KCNH7: variants seen among roughly 807,000 people sequenced by gnomAD.
KCNH7 encodes potassium voltage-gated channel subfamily H member 7.
In KCNH7, 49 loss-of-function variants were observed where a neutral mutation model predicts 120.8. The observed-to-expected ratio is 0.41, with a 90% confidence interval of 0.32 to 0.51. The LOEUF (loss-of-function observed/expected upper bound fraction) is 0.51. Ranked by LOEUF, KCNH7 falls within the 20% of genes least tolerant of loss-of-function variation. The pLI is 0.38. For missense variants in KCNH7, 1,097 were observed against 1,446.6 expected (o/e 0.76, Z 3.92); for synonymous variants, 547 against 516.1 (o/e 1.06, Z -0.81).
intron 2 of KCNH7, among the ~76,000 whole-genome samples, chr2:162,799,763 G>A (rs780990790): frequency 3.3e-5 from 5 of 151,894 alleles, no homozygotes; most frequent in African/African-American, 4.8e-5. Flanking sequence ...GCTGTCATGC[G>A]AAAGGACATT....
chr2:162,513,383 TTCTCTCCTTCCC>T (rs768449834), intron 4 of KCNH7, among the ~76,000 whole-genome samples: 5 of 132,292 alleles, frequency 3.8e-5, no homozygotes, highest in East Asian at 2.5e-4. Context: ...CCTTCCTTCC[TTCTCTCCTTCCC>T]TCCTTCCTTC....
chr2:162,831,335 C>T (rs900115400), intron 2 of KCNH7, among the ~76,000 whole-genome samples: 6 of 152,152 alleles, frequency 3.9e-5, no homozygotes, highest in East Asian at 1.9e-4. Context: ...GAGGATGGAT[C>T]GGGGGAGAGA....
At chr2:162,513,967 G>T (rs1227007171) in intron 4 of KCNH7, among the ~76,000 whole-genome samples, 1 of 151,580 alleles carries the variant, frequency 6.6e-6, no homozygotes, top group Non-Finnish European at 1.5e-5. Context: ...TTGCATACTT[G>T]CCACTAACAA....
At chr2:162,711,503 C>G (rs2105358497) in intron 2 of KCNH7, among the ~76,000 whole-genome samples, 1 of 152,350 alleles carries the variant, frequency 6.6e-6, no homozygotes, top group South Asian at 2.1e-4. Flanking sequence ...AGTACCCCAC[C>G]TCCATCTTCA....
intron 2 of KCNH7, among the ~76,000 whole-genome samples, chr2:162,817,283 GC>G (rs1559147685): frequency 6.6e-6 from 1 of 152,074 alleles, no homozygotes; most frequent in Non-Finnish European, 1.5e-5. Context: ...GTTTAGTTTT[GC>G]CTAATCTTGA....
At chr2:162,766,302 G>A (rs369940381) in intron 2 of KCNH7, among the ~76,000 whole-genome samples, 1 of 152,046 alleles carries the variant, frequency 6.6e-6, no homozygotes, top group African/African-American at 2.4e-5. Flanking sequence ...GCGCCTTGAC[G>A]TGAAACAACA....
At chr2:162,548,732 A>C (rs1692564377) in intron 2 of KCNH7, among the ~76,000 whole-genome samples, 1 of 152,136 alleles carries the variant, frequency 6.6e-6, no homozygotes, top group Admixed American at 6.5e-5. Flanking sequence ...TTCATTTTGG[A>C]ATAAGTTACT....
At chr2:162,517,441 CAT>C (rs1258559464) in intron 4 of KCNH7, among the ~76,000 whole-genome samples, 6 of 151,884 alleles carry the variant, frequency 4.0e-5, no homozygotes, top group African/African-American at 7.2e-5. Flanking sequence ...TACCTAAGCA[CAT>C]GTTATAATAA....
intron 2 of KCNH7, among the ~76,000 whole-genome samples, chr2:162,798,656 T>C (rs1007835218): frequency 6.6e-6 from 1 of 152,078 alleles, no homozygotes; most frequent in Non-Finnish European, 1.5e-5. Context: ...TGTCACCTTC[T>C]AAAAAGAAGC....
intron 2 of KCNH7, among the ~76,000 whole-genome samples, chr2:162,664,904 A>C (rs1291042330): frequency 6.6e-6 from 1 of 152,144 alleles, no homozygotes; most frequent in Non-Finnish European, 1.5e-5. Context: ...AGGACATATC[A>C]CTATTATAGG....
At chr2:162,778,996 A>C (rs1683367150) in intron 2 of KCNH7, among the ~76,000 whole-genome samples, 1 of 148,378 alleles carries the variant, frequency 6.7e-6, no homozygotes, top group Admixed American at 6.7e-5. Context: ...TAGGTCATTC[A>C]AACGCAATTT....
At position 162,800,393 on chromosome 2, in the gene KCNH7, C is replaced by T. The variant is rs567192497; in HGVS notation, c.307+36144G>A. On this transcript the variant is annotated intron_variant, in intron 2 of 15. Transcript: ENST00000332142. ...AGGTCTTTTTACTGAAAGTCTTGTA[C>T]AACGGCAGTATTTTTACATTTTTAT... Among the ~76,000 whole-genome samples the T allele has an allele frequency of 6.6e-5, 10 of 151,734 alleles. No individual in the cohort carries two copies. In the East Asian group the frequency reaches 1.9e-3, roughly 29 times the overall value.
chr2:162,433,942 A>C (rs1006856825), intron 8 of KCNH7, among the ~76,000 whole-genome samples: 6 of 152,106 alleles, frequency 3.9e-5, no homozygotes, highest in Admixed American at 1.3e-4. Flanking sequence ...TGTTCATTGC[A>C]GCAGTATTCA....
At chr2:162,766,547 A>G (rs183550619) in intron 2 of KCNH7, among the ~76,000 whole-genome samples, 93 of 152,290 alleles carry the variant, frequency 6.1e-4, no homozygotes, top group African/African-American at 2.0e-3. Flanking sequence ...AAACAAAAAA[A>G]GCTTGATTAG....
In KCNH7 at chr2:162,401,219, T is replaced by G. The variant is rs143901509; in HGVS notation, c.2155-778A>C. On this transcript the variant is annotated intron_variant, in intron 9 of 15. Transcript: ENST00000332142. ...AGCTTGTGACAACTGCTACTCAATC[T>G]GAACTGAATAAAATTATTTGCTATT... Among the ~76,000 whole-genome samples the G allele has an allele frequency of 6.5e-4, 99 of 152,064 alleles. 2 individuals carry two copies. The East Asian group carries it at 0.017, about 27-fold the overall frequency.
intron 3 of KCNH7, among the ~76,000 whole-genome samples, chr2:162,526,634 C>T (rs1418248390): frequency 2.6e-5 from 4 of 151,948 alleles, no homozygotes; most frequent in African/African-American, 4.8e-5. Context: ...CCTGGCTCAC[C>T]GGCGGTCAGA....
intron 2 of KCNH7, among the ~76,000 whole-genome samples, chr2:162,685,688 G>A (rs1685865853): frequency 6.6e-6 from 1 of 151,806 alleles, no homozygotes; most frequent in South Asian, 2.1e-4. Context: ...GGAAGTGCCT[G>A]GTGTGAGGAA....
At chr2:162,434,189 T>C (rs1279080879) in intron 8 of KCNH7, among the ~76,000 whole-genome samples, 30 of 152,004 alleles carry the variant, frequency 2.0e-4, no homozygotes, top group Admixed American at 1.8e-3. Flanking sequence ...TACGTACGCA[T>C]GGACATAAAG....
chr2:162,542,765 C>T (rs889553496), intron 2 of KCNH7, among the ~76,000 whole-genome samples: 15 of 151,958 alleles, frequency 9.9e-5, no homozygotes, highest in African/African-American at 3.4e-4. Flanking sequence ...GGTATATACC[C>T]AGTAATGGGA....
Sources: allele counts gnomAD v4.1 joint callset (sites outside exome capture counted in the v4.1 genomes callset), GRCh38; gene constraint gnomAD v4.1.1; transcripts MANE v1.5; gene names NCBI Gene and HGNC (gene_info 2026-07-23, HGNC 2026-07-21).